Variants in CDH13 observed in about 807,000 individuals in gnomAD.
The protein encoded by CDH13 is cadherin-13.
A neutral mutation model predicts 63.8 loss-of-function variants in CDH13; 24 were observed. That is an observed-to-expected ratio of 0.38 (90% CI 0.27 to 0.53). The LOEUF is 0.53. Ranked by LOEUF, CDH13 falls within the 20% of genes least tolerant of loss-of-function variation. The pLI is 0.85. For missense variants in CDH13, 1,049 were observed against 903.1 expected (o/e 1.16, Z -2.07); for synonymous variants, 503 against 355.3 (o/e 1.42, Z -4.67).
chr16:83,380,768 C>T (rs2091550656), intron 6 of CDH13, among the ~76,000 whole-genome samples: 1 of 152,060 alleles, frequency 6.6e-6, no homozygotes, highest in Non-Finnish European at 1.5e-5. Flanking sequence ...GAATTCATCA[C>T]ATGGCCATGT....
intron 6 of CDH13, among the ~76,000 whole-genome samples, chr16:83,361,191 T>A (rs1597831335): frequency 1.3e-5 from 2 of 152,284 alleles, no homozygotes; most frequent in South Asian, 4.2e-4. Context: ...TGATTAGTGA[T>A]CACAATTTTT....
At chr16:83,673,217 A>G (rs1914668412) in intron 9 of CDH13, among the ~76,000 whole-genome samples, 1 of 152,198 alleles carries the variant, frequency 6.6e-6, no homozygotes, top group Admixed American at 6.5e-5. Flanking sequence ...ATCCATACGA[A>G]TACTGACCCG....
chr16:83,385,780 C>G (rs1452787909), intron 6 of CDH13, among the ~76,000 whole-genome samples: 1 of 152,152 alleles, frequency 6.6e-6, no homozygotes, highest in Non-Finnish European at 1.5e-5. Flanking sequence ...CAAATGGAAT[C>G]TTTGGTGAAT....
At chr16:83,447,510 C>T (rs2072744606) in intron 6 of CDH13, among the ~76,000 whole-genome samples, 1 of 152,136 alleles carries the variant, frequency 6.6e-6, no homozygotes, top group South Asian at 2.1e-4. Context: ...AGGGATGTTG[C>T]CCTCACCCAA....
chr16:83,572,995 C>G (rs1167939549), intron 7 of CDH13, among the ~76,000 whole-genome samples: 2 of 152,184 alleles, frequency 1.3e-5, no homozygotes, highest in African/African-American at 4.8e-5. Flanking sequence ...TGATGAAGCT[C>G]TCTTTTTAGG....
chr16:82,780,081 GT>G (rs2035681518), intron 1 of CDH13, among the ~76,000 whole-genome samples: 1 of 152,130 alleles, frequency 6.6e-6, no homozygotes, highest in Non-Finnish European at 1.5e-5. Flanking sequence ...GCTGAAATCT[GT>G]GACTTAAATC....
intron 6 of CDH13, among the ~76,000 whole-genome samples, chr16:83,390,456 C>CT (rs113553312): frequency 0.15 from 21,630 of 149,030 alleles, 1,655 homozygotes; most frequent in Non-Finnish European, 0.18. Flanking sequence ...TTTACAAATA[C>CT]TTTTTTTTTT....
chr16:83,761,875 A>T (rs254338), intron 11 of CDH13, among the ~76,000 whole-genome samples: 123,462 of 151,874 alleles, frequency 0.81, 50,302 homozygotes, highest in African/African-American at 0.87. Flanking sequence ...GATACCAGCC[A>T]GGCCAACATG....
intron 2 of CDH13, among the ~76,000 whole-genome samples, chr16:82,882,362 A>T (rs1218125490): frequency 6.6e-6 from 1 of 152,160 alleles, no homozygotes; most frequent in South Asian, 2.1e-4. Flanking sequence ...TCACTTCCTG[A>T]AGTCACTGGG....
chr16:83,368,890 A>T (rs1353570277), intron 6 of CDH13, among the ~76,000 whole-genome samples: 3 of 12,738 alleles, frequency 2.4e-4, no homozygotes, highest in Non-Finnish European at 2.7e-4. Context: ...CATGTTATAT[A>T]TATATATATA....
chr16:83,558,284 A>G (rs2075640584), intron 7 of CDH13, among the ~76,000 whole-genome samples: 1 of 152,208 alleles, frequency 6.6e-6, no homozygotes, highest in Non-Finnish European at 1.5e-5. Flanking sequence ...GCGCGGTACC[A>G]GTTAGCAGAG....
In CDH13 at chr16:83,780,160, A is replaced by C. The variant is rs1452092503; in HGVS notation, c.1874A>C (p.Gln625Pro). The change falls in exon 12 of 14, where the codon CAA becomes CCA. Residue 625 changes from glutamine (Q) to proline (P), a missense_variant. Physicochemically the swap from Gln to Pro is moderately conservative, Grantham distance 76 (BLOSUM62 -1). Transcript: ENST00000567109. ...TDPFKFEIHKQAVPDKVWKIS... is the reference protein window; with the variant it reads ...TDPFKFEIHKPAVPDKVWKIS... ...CCTTTCAAATTTGAAATCCACAAAC[A>C]AGCTGTTCCTGATAAAGTCTGGAAG... 1 of 1,610,030 alleles carries C rather than the reference A, an allele frequency of 6.2e-7. No homozygotes were observed.
At chr16:82,793,326 G>GA (rs1324968863) in intron 1 of CDH13, among the ~76,000 whole-genome samples, 1 of 151,938 alleles carries the variant, frequency 6.6e-6, no homozygotes, top group Non-Finnish European at 1.5e-5. Context: ...TAGCAAAGGG[G>GA]AAAAGAAAAG....
chr16:83,662,943 T>A (rs1236832507), intron 8 of CDH13, among the ~76,000 whole-genome samples: 1 of 152,216 alleles, frequency 6.6e-6, no homozygotes, highest in Non-Finnish European at 1.5e-5. Flanking sequence ...CCTATTTGTC[T>A]TTTGTCTTTG....
chr16:83,037,630 T>C (rs1005443032), intron 3 of CDH13, among the ~76,000 whole-genome samples: 2 of 152,192 alleles, frequency 1.3e-5, no homozygotes, highest in African/African-American at 4.8e-5. Context: ...TGTGTTGATT[T>C]ATATGCTCCT....
At chr16:82,818,697 A>G (rs1435226034) in intron 1 of CDH13, among the ~76,000 whole-genome samples, 1 of 152,188 alleles carries the variant, frequency 6.6e-6, no homozygotes, top group Non-Finnish European at 1.5e-5. Context: ...TTTTCCAAAA[A>G]AAAGGCAGTG....
intron 2 of CDH13, among the ~76,000 whole-genome samples, chr16:82,926,246 T>C (rs2151288153): frequency 6.8e-6 from 1 of 148,076 alleles, no homozygotes; most frequent in South Asian, 2.1e-4. Context: ...ATATTTAAAA[T>C]GAATGGACAT....
At chr16:83,345,588 G>A (rs373444538) in intron 6 of CDH13, among the ~76,000 whole-genome samples, 7 of 152,174 alleles carry the variant, frequency 4.6e-5, no homozygotes, top group South Asian at 2.1e-4. Context: ...TAGAGCTCCC[G>A]CTGTCTTTTC....
At chr16:83,748,068 C>T (rs1472477120) in intron 10 of CDH13, 40 bp from the exon 11 acceptor site, 12 of 1,611,760 alleles carry the variant, frequency 7.4e-6, no homozygotes, top group African/African-American at 1.3e-5. Flanking sequence ...CTTGAATCTA[C>T]TTTGAATGCA....
Sources: allele counts gnomAD v4.1 joint callset (sites outside exome capture counted in the v4.1 genomes callset), GRCh38; gene constraint gnomAD v4.1.1; transcripts MANE v1.5; gene names NCBI Gene and HGNC (gene_info 2026-07-23, HGNC 2026-07-21).